BDKRB2: variants seen among roughly 807,000 people sequenced by gnomAD.
The protein encoded by BDKRB2 is B2 bradykinin receptor.
A neutral mutation model predicts 4.0 loss-of-function variants in BDKRB2; 6 were observed. The ratio of observed to expected loss-of-function variants is 1.49; its 90% CI spans 0.81 to 2.93. The LOEUF (loss-of-function observed/expected upper bound fraction) is 2.93. Ranked by LOEUF, BDKRB2 falls within the 30% of genes most tolerant of loss-of-function variation. The pLI is 0.00. For missense variants in BDKRB2, 478 were observed against 520.1 expected (o/e 0.92, Z 0.79); for synonymous variants, 225 against 215.3 (o/e 1.05, Z -0.40).
intron 1 of BDKRB2, among the ~76,000 whole-genome samples, chr14:96,213,168 T>C (rs574942339): frequency 6.6e-6 from 1 of 152,130 alleles, no homozygotes; most frequent in Non-Finnish European, 1.5e-5. Context: ...GCCAACACAA[T>C]AGGACTGTGT....
At chr14:96,218,048 G>T (rs1427761135) in intron 1 of BDKRB2, among the ~76,000 whole-genome samples, 1 of 152,040 alleles carries the variant, frequency 6.6e-6, no homozygotes, top group African/African-American at 2.4e-5. Flanking sequence ...GGCATAACAA[G>T]TTCCTCCAGG....
At chr14:96,216,258 A>G (rs1351895054) in intron 1 of BDKRB2, among the ~76,000 whole-genome samples, 1 of 152,024 alleles carries the variant, frequency 6.6e-6, no homozygotes, top group Non-Finnish European at 1.5e-5. Flanking sequence ...CCTCCTACCA[A>G]CTGAGCTACA....
In BDKRB2 at chr14:96,240,170, C is replaced by G. The variant is rs544705534; in HGVS notation, c.75-233C>G. On this transcript the variant is annotated intron_variant, in intron 2 of 2. Transcript: ENST00000554311. The stretch of plus-strand genomic sequence containing the variant: ...TGGCCAAGGAAATATCCCAGTGGAG[C>G]CTCGAGATGAAGAACATGAGGCCCC... 144 of 1,259,442 alleles carry G rather than the reference C, an allele frequency of 1.1e-4. No individual in the cohort carries two copies. In the South Asian group the frequency reaches 4.8e-3, roughly 42 times the overall value. 78.0% of individuals were successfully genotyped at this position (1,259,442 alleles called of 1,614,324 possible).
chr14:96,234,552 C>G (rs1466876251), intron 1 of BDKRB2, among the ~76,000 whole-genome samples: 1 of 152,174 alleles, frequency 6.6e-6, no homozygotes, highest in Non-Finnish European at 1.5e-5. Flanking sequence ...ACAGCAGCTC[C>G]CTGACAGGGA....
At chr14:96,217,465 G>C (rs755592749) in intron 1 of BDKRB2, among the ~76,000 whole-genome samples, 1 of 152,228 alleles carries the variant, frequency 6.6e-6, no homozygotes, top group Non-Finnish European at 1.5e-5. Flanking sequence ...CTGCTCAAAG[G>C]CATATTGTTG....
At position 96,240,877 on chromosome 14, in the gene BDKRB2, G is replaced by A. The variant is rs923683046; in HGVS notation, c.549G>A (p.Gly183=). 6.3e-7 allele frequency: 1 copy of A among 1,590,722 alleles called. No individual in the cohort carries two copies. The highest frequency in any genetic ancestry group is 1.7e-5 in the Admixed American group (1 of 58,122). ...WAKLYSLVIW[G]CTLLLSSPML... is the part of the protein sequence containing the mutation. ...AGCTCTACAGCTTGGTGATCTGGGG[G>A]TGTACGCTGCTCCTGAGCTCACCCA... Residue 183 remains glycine, a synonymous_variant, in exon 3 of 3, where the codon GGG becomes GGA. Coordinates refer to ENST00000554311, the MANE Select transcript of BDKRB2 (RefSeq NM_001379692.1).
chr14:96,227,835 G>A (rs998241419), intron 1 of BDKRB2, among the ~76,000 whole-genome samples: 2 of 152,222 alleles, frequency 1.3e-5, no homozygotes, highest in African/African-American at 2.4e-5. Flanking sequence ...GGGAAACTGC[G>A]TCATCAAATT....
intron 1 of BDKRB2, among the ~76,000 whole-genome samples, chr14:96,205,960 G>A (rs1009145934): frequency 1.3e-5 from 2 of 152,178 alleles, no homozygotes; most frequent in African/African-American, 4.8e-5. Flanking sequence ...CAGGAAGTGG[G>A]AGCCCTGGCC....
intron 1 of BDKRB2, among the ~76,000 whole-genome samples, chr14:96,206,752 C>T (rs562430138): frequency 1.2e-4 from 18 of 152,222 alleles, no homozygotes; most frequent in South Asian, 1.0e-3. Context: ...CCCACCTGGG[C>T]GCGGTGGGGG....
chr14:96,240,476 G>C lies in BDKRB2; in HGVS notation c.148G>C (p.Val50Leu), dbSNP rs202026817. 99 of 1,525,800 alleles carry C rather than the reference G, an allele frequency of 6.5e-5. No individual in the cohort carries two copies. Among genetic ancestry groups the C allele is most frequent in the Admixed American group, 1.1e-4 (5 of 44,942 alleles). The allele number at this position is 1,525,800 out of a possible 1,614,324, so 94.5% of individuals were successfully genotyped here. A position where few individuals can be genotyped will look rare whatever the true frequency, so the allele number is the denominator to read the frequency against. Reference sequence around the variant, plus strand: ...CTTTGCCCAGAGCAAATGCCCCCAAGTGGAGTGGCTGGGCTGGCTCAACAC... The same window carrying C: ...CTTTGCCCAGAGCAAATGCCCCCAACTGGAGTGGCTGGGCTGGCTCAACAC... ...GTFAQSKCPQ[V>L]EWLGWLNTIQ... The change falls in exon 3 of 3, where the codon GTG (valine) becomes CTG (leucine). Residue 50 changes from valine to leucine, a missense_variant. Coordinates refer to ENST00000554311, the MANE Select transcript of BDKRB2 (RefSeq NM_001379692.1).
intron 2 of BDKRB2, chr14:96,239,068 G>A: frequency 6.1e-6 from 6 of 985,450 alleles, no homozygotes; most frequent in Non-Finnish European, 7.2e-6. Context: ...GTGATGATCA[G>A]TATCTCTCCC....
At position 96,241,211 on chromosome 14, in the gene BDKRB2, C is replaced by A; in HGVS notation, c.883C>A (p.Leu295Met). The A allele has an allele frequency of 6.2e-7, 1 of 1,609,040 alleles. No homozygotes were observed. Among genetic ancestry groups the A allele is most frequent in the Non-Finnish European group, 8.5e-7 (1 of 1,176,682 alleles). Residue 295 changes from leucine to methionine, a missense_variant, in exon 3 of 3, where the codon CTG becomes ATG. By Grantham distance (15) the Leu-to-Met change is conservative. Transcript: ENST00000554311. ...CCAGATCAGCACCTTCCTGGATACG[C>A]TGCATCGCCTCGGCATCCTCTCCAG... is the stretch of plus-strand genomic sequence containing the variant. ...PFQISTFLDTLHRLGILSSCQ... is the reference protein window; with the variant it reads ...PFQISTFLDTMHRLGILSSCQ...
intron 1 of BDKRB2, among the ~76,000 whole-genome samples, chr14:96,223,867 A>G (rs1338603354): frequency 6.6e-6 from 1 of 152,098 alleles, no homozygotes; most frequent in Non-Finnish European, 1.5e-5. Flanking sequence ...AAAGAAACTT[A>G]AGAGACCTAT....
intron 2 of BDKRB2, chr14:96,238,813 A>T (rs1348575959): frequency 1.7e-4 from 171 of 985,750 alleles, no homozygotes; most frequent in Non-Finnish European, 2.0e-4. Flanking sequence ...TGTGTCCCAC[A>T]ACCCCCCTGC....
At chr14:96,223,817 CT>C (rs1890633069) in intron 1 of BDKRB2, among the ~76,000 whole-genome samples, 1 of 147,474 alleles carries the variant, frequency 6.8e-6, no homozygotes, top group South Asian at 2.1e-4. Flanking sequence ...TTTTTATAAT[CT>C]AAAAAAAAAA....
At chr14:96,235,434 G>A (rs1890909418) in intron 1 of BDKRB2, among the ~76,000 whole-genome samples, 1 of 151,888 alleles carries the variant, frequency 6.6e-6, no homozygotes, top group Admixed American at 6.6e-5. Flanking sequence ...GAGCCCAGGA[G>A]GGCCTCTCAG....
chr14:96,240,943 C>T lies in BDKRB2; in HGVS notation c.615C>T (p.Gly205=), dbSNP rs1241880898. ...FRTMKEYSDE[G]HNVTACVISY... is the part of the protein sequence containing the mutation. Reference sequence around the variant, plus strand: ...CCATGAAGGAGTACAGCGATGAGGGCCACAACGTCACCGCTTGTGTCATCA... The same window carrying T: ...CCATGAAGGAGTACAGCGATGAGGGTCACAACGTCACCGCTTGTGTCATCA... Residue 205 remains glycine, a synonymous_variant, in exon 3 of 3, where the codon GGC becomes GGT. Transcript: ENST00000554311. 4 of 1,593,660 alleles carry T rather than the reference C, an allele frequency of 2.5e-6. No homozygotes were observed. Among genetic ancestry groups the T allele is most frequent in the Admixed American group, 1.7e-5 (1 of 58,946 alleles).
intron 2 of BDKRB2, chr14:96,239,746 G>C: frequency 6.2e-6 from 6 of 973,204 alleles, no homozygotes; most frequent in Non-Finnish European, 7.3e-6. Flanking sequence ...AGCGTCACAC[G>C]GCTTATAAGT....
chr14:96,213,464 T>C (rs999558650), intron 1 of BDKRB2, among the ~76,000 whole-genome samples: 1 of 151,188 alleles, frequency 6.6e-6, no homozygotes, highest in African/African-American at 2.4e-5. Context: ...TCCACTCTTC[T>C]TCTTCCTGGG....
Sources: gnomAD v4.1 joint callset for allele counts (sites outside exome capture counted in the v4.1 genomes callset) on GRCh38, gnomAD v4.1.1 for gene constraint, MANE v1.5 for transcripts, NCBI Gene and HGNC (gene_info 2026-07-23, HGNC 2026-07-21) for gene names.